Variants in AMOTL1 observed in about 807,000 individuals in gnomAD.
The protein encoded by AMOTL1 is angiomotin-like protein 1.
Under a neutral mutation model 102.9 loss-of-function variants are expected in AMOTL1, and 45 were observed. That is an observed-to-expected ratio of 0.44 (90% CI 0.34 to 0.56). AMOTL1 has a LOEUF of 0.56. AMOTL1 is among the 20% of genes least tolerant of loss of function. The pLI is 0.01. For missense variants in AMOTL1, 1,114 were observed against 1,225.6 expected, an observed-to-expected ratio of 0.91 and a Z score of 1.36; for synonymous variants, 481 against 484.7, an observed-to-expected ratio of 0.99 and a Z score of 0.10.
intron 3 of AMOTL1, among the ~76,000 whole-genome samples, chr11:94,747,201 G>C (rs1181506531): frequency 6.6e-6 from 1 of 151,964 alleles, no homozygotes; most frequent in Non-Finnish European, 1.5e-5. Context: ...AGAATAGGTG[G>C]GGGAGCTCAC....
At chr11:94,752,060 A>C (rs1950662770) in intron 3 of AMOTL1, among the ~76,000 whole-genome samples, 1 of 151,952 alleles carries the variant, frequency 6.6e-6, no homozygotes, top group South Asian at 2.1e-4. Context: ...ATCATTGTGG[A>C]ATTTATCCTG....
chr11:94,875,392 T>C lies in AMOTL1; in HGVS notation c.*4597T>C, dbSNP rs1254443078. Reference sequence around the variant, plus strand: ...ATATAAAGACATGTGTATAAGTGAGTGCATACATATGAGGTATGACTATAG... The same window carrying C: ...ATATAAAGACATGTGTATAAGTGAGCGCATACATATGAGGTATGACTATAG... On this transcript the variant is annotated 3_prime_UTR_variant, in exon 13 of 13. Transcript: ENST00000433060. 6.6e-6 allele frequency: 1 copy of C among 152,216 alleles called. No homozygotes were observed. The highest frequency in any genetic ancestry group is 1.5e-5 in the Non-Finnish European group (1 of 68,040). The allele number at this position is 152,216 out of a possible 1,614,324, so 9.4% of individuals were successfully genotyped here. A position where few individuals can be genotyped will look rare whatever the true frequency, so the allele number is the denominator to read the frequency against.
intron 1 of AMOTL1, among the ~76,000 whole-genome samples, chr11:94,773,352 ATTTTAT>A (rs1591950920): frequency 6.6e-6 from 1 of 152,164 alleles, no homozygotes; most frequent in Admixed American, 6.5e-5. Flanking sequence ...ATAGTTTTAC[ATTTTAT>A]TTTTAAGTTA....
At chr11:94,840,650 A>G (rs1026192901) in intron 6 of AMOTL1, among the ~76,000 whole-genome samples, 1 of 135,688 alleles carries the variant, frequency 7.4e-6, no homozygotes, top group Non-Finnish European at 1.5e-5. Context: ...GCCACTTAAA[A>G]AACGTATATA....
At chr11:94,816,956 C>T (rs906646681) in intron 3 of AMOTL1, among the ~76,000 whole-genome samples, 20 of 152,128 alleles carry the variant, frequency 1.3e-4, no homozygotes, top group Admixed American at 3.3e-4. Context: ...TAATACCAAA[C>T]GCACACTGAT....
At position 94,870,817 on chromosome 11, in the gene AMOTL1, A is replaced by G. The variant is rs1456630633; in HGVS notation, c.*22A>G. 1.3e-6 allele frequency: 2 copies of G among 1,555,666 alleles called. No individual in the cohort carries two copies. The highest frequency in any genetic ancestry group is 1.7e-4 in the Middle Eastern group (1 of 5,962). ...CTAACTGCCATCCCTGTGGAATTTC[A>G]GTACAGAACACTGACAAACAAGGAA... On this transcript the variant is annotated 3_prime_UTR_variant, in exon 13 of 13. Coordinates refer to ENST00000433060, the MANE Select transcript of AMOTL1 (RefSeq NM_130847.3).
At chr11:94,832,983 G>A (rs967542397) in intron 6 of AMOTL1, among the ~76,000 whole-genome samples, 2 of 152,206 alleles carry the variant, frequency 1.3e-5, no homozygotes, top group Admixed American at 1.3e-4. Flanking sequence ...GGAGTAATAG[G>A]GTTTAGTGCT....
At chr11:94,750,680 A>G (rs906999075) in intron 3 of AMOTL1, among the ~76,000 whole-genome samples, 2 of 152,142 alleles carry the variant, frequency 1.3e-5, no homozygotes, top group African/African-American at 2.4e-5. Context: ...CTCCTCCTCA[A>G]GCCCTGAACA....
chr11:94,787,522 T>C (rs1951210353), intron 1 of AMOTL1, among the ~76,000 whole-genome samples: 1 of 151,328 alleles, frequency 6.6e-6, no homozygotes, highest in Non-Finnish European at 1.5e-5. Context: ...ACCCCGTCTT[T>C]ACTAAAAATA....
chr11:94,829,245 C>T (rs1489810137), intron 4 of AMOTL1, among the ~76,000 whole-genome samples: 6 of 140,228 alleles, frequency 4.3e-5, no homozygotes, highest in Non-Finnish European at 6.1e-5. Context: ...TTTGGTGAGA[C>T]GGAATCTCAC....
At position 94,800,308 on chromosome 11, in the gene AMOTL1, C is replaced by T. The variant is rs745958540; in HGVS notation, c.1118C>T (p.Thr373Met). The change falls in exon 3 of 13, where the codon ACG becomes ATG. Residue 373 changes from threonine to methionine, a missense_variant. By Grantham distance (81) the Thr-to-Met change is moderately conservative. Coordinates refer to ENST00000433060, the MANE Select transcript of AMOTL1 (RefSeq NM_130847.3). ...RYQPPPEYGV[T>M]SRPCQLPFPS... ...CAGCCACCCCCTGAGTATGGGGTAA[C>T]GAGGTGATTATCAACTGCAGACGTT... 6 of 1,587,470 alleles carry T rather than the reference C, an allele frequency of 3.8e-6. No individual in the cohort carries two copies. Among genetic ancestry groups the T allele is most frequent in the South Asian group, 2.3e-5 (2 of 87,662 alleles).
At chr11:94,725,900 C>A (rs1178411934) in intron 1 of AMOTL1, among the ~76,000 whole-genome samples, 1 of 152,118 alleles carries the variant, frequency 6.6e-6, no homozygotes, top group African/African-American at 2.4e-5. Context: ...GTGACATGAT[C>A]AGATGCGTGC....
At chr11:94,869,540 T>G in intron 12 of AMOTL1, 67 bp downstream of exon 12, 2 of 1,485,668 alleles carry the variant, frequency 1.3e-6, no homozygotes, top group Admixed American at 4.4e-5. Flanking sequence ...GAGAATCTTT[T>G]GTTGAGCTAG....
chr11:94,815,679 G>T (rs1462285423), intron 3 of AMOTL1, among the ~76,000 whole-genome samples: 3 of 151,894 alleles, frequency 2.0e-5, no homozygotes, highest in South Asian at 2.1e-4. Flanking sequence ...TTATTTAAAA[G>T]TTATTTATAA....
intron 1 of AMOTL1, among the ~76,000 whole-genome samples, chr11:94,722,829 G>A (rs1180082591): frequency 2.0e-5 from 3 of 152,118 alleles, no homozygotes; most frequent in Admixed American, 6.5e-5. Context: ...TTCAAAGATG[G>A]AAGAATAAAC....
chr11:94,805,118 A>G (rs1298173409), intron 3 of AMOTL1, among the ~76,000 whole-genome samples: 3 of 152,244 alleles, frequency 2.0e-5, no homozygotes, highest in Non-Finnish European at 2.9e-5. Context: ...TGGCCACTGT[A>G]CTTTGCAGTG....
In AMOTL1 at chr11:94,873,171, T is replaced by C. The variant is rs1953034222; in HGVS notation, c.*2376T>C. On this transcript the variant is annotated 3_prime_UTR_variant, in exon 13 of 13. Transcript: ENST00000433060. Reference sequence around the variant, plus strand: ...CCAATCAGGTGTCAGACTTGCTTGCTCTTCGAGGTCCCCCTGAGCTGCCAA... The same window carrying C: ...CCAATCAGGTGTCAGACTTGCTTGCCCTTCGAGGTCCCCCTGAGCTGCCAA... 1 of 152,178 alleles carries C rather than the reference T, an allele frequency of 6.6e-6. No individual in the cohort carries two copies. The highest frequency in any genetic ancestry group is 2.4e-5 in the African/African-American group (1 of 41,438). The allele number at this position is 152,178 out of a possible 1,614,324, so 9.4% of individuals were successfully genotyped here. A position where few individuals can be genotyped will look rare whatever the true frequency, so the allele number is the denominator to read the frequency against.
chr11:94,716,121 C>T (rs1950095959), intron 1 of AMOTL1, among the ~76,000 whole-genome samples: 1 of 152,068 alleles, frequency 6.6e-6, no homozygotes, highest in Admixed American at 6.6e-5. Flanking sequence ...GTCTTATCAT[C>T]ATCACTCTAC....
upstream of AMOTL1, among the ~76,000 whole-genome samples, chr11:94,764,117 C>G (rs181529066): frequency 8.5e-5 from 13 of 152,140 alleles, no homozygotes; most frequent in Non-Finnish European, 1.5e-4. Flanking sequence ...GGAACTTGCC[C>G]GTTTTTTTCC....
Sources: gnomAD v4.1 joint callset for allele counts (sites outside exome capture counted in the v4.1 genomes callset) on GRCh38, gnomAD v4.1.1 for gene constraint, MANE v1.5 for transcripts, NCBI Gene and HGNC (gene_info 2026-07-23, HGNC 2026-07-21) for gene names.